CDS2: variants seen among roughly 807,000 people sequenced by gnomAD.
CDS2 encodes the protein phosphatidate cytidylyltransferase 2.
In CDS2, 47 loss-of-function variants were observed where a neutral mutation model predicts 59.0. The ratio of observed to expected loss-of-function variants is 0.80; its 90% confidence interval spans 0.63 to 1.02. The LOEUF is 1.02. Among genes scored for constraint, CDS2 ranks in the 50% least tolerant of loss-of-function variants. The pLI is 0.00. For missense variants in CDS2, 356 were observed against 558.9 expected (o/e 0.64, Z 3.66); for synonymous variants, 207 against 206.4 (o/e 1.00, Z -0.02).
At chr20:5,128,819 G>A (rs973824900) in intron 1 of CDS2, 2 of 152,224 alleles carry the variant, frequency 1.3e-5, no homozygotes, top group African/African-American at 2.4e-5. Flanking sequence ...ATGTTAGTGG[G>A]ACTTTGTGGA....
chr20:5,132,641 T>TA lies in CDS2; in HGVS notation c.57+5499dup, dbSNP rs943643820. Among the ~76,000 whole-genome samples the TA allele has an allele frequency of 3.3e-5, 5 of 152,270 alleles. No individual in the cohort carries two copies. In the East Asian group the frequency reaches 7.7e-4, roughly 24 times the overall value. ...TTATGTTGAGAAATAATTTAGGAAT[T>TA]AAAAAAATCAGTAAACCTTAACTAT... On this transcript the variant is annotated intron_variant, in intron 1 of 12. Coordinates refer to ENST00000460006, the MANE Select transcript of CDS2 (RefSeq NM_003818.4).
intron 1 of CDS2, among the ~76,000 whole-genome samples, chr20:5,164,307 C>G (rs1315531007): frequency 6.6e-6 from 1 of 152,042 alleles, no homozygotes; most frequent in Non-Finnish European, 1.5e-5. Context: ...CTTGTCTGCC[C>G]ACAGGAGTAG....
chr20:5,145,846 C>CAA, intron 1 of CDS2, among the ~76,000 whole-genome samples: 1 of 115,734 alleles, frequency 8.6e-6, no homozygotes, highest in African/African-American at 3.4e-5. Context: ...TTTTTTGAGA[C>CAA]AAAGTCTCGC....
intron 5 of CDS2, 104 bp from the exon 6 acceptor site, chr20:5,182,283 G>T (rs1191501388): frequency 8.6e-6 from 8 of 930,324 alleles, no homozygotes; most frequent in Non-Finnish European, 9.7e-6. Flanking sequence ...CTGGTTAGCT[G>T]CTGGGAATAA....
In CDS2 at chr20:5,194,762, C is replaced by T. The variant is rs1472384133; in HGVS notation, c.*4528C>T. 1 of 152,058 alleles carries T rather than the reference C, an allele frequency of 6.6e-6. No homozygotes were observed. Among genetic ancestry groups the T allele is most frequent in the Non-Finnish European group, 1.5e-5 (1 of 68,008 alleles). The allele number at this position is 152,058 out of a possible 1,614,324, so 9.4% of individuals were successfully genotyped here. Reference sequence around the variant, plus strand: ...TTAAAGACCCTGTCTCCTCCCCCACCCTCCCCTTCCTTTTCCCATCAAATG... The same window carrying T: ...TTAAAGACCCTGTCTCCTCCCCCACTCTCCCCTTCCTTTTCCCATCAAATG... On this transcript the variant is annotated 3_prime_UTR_variant, in exon 13 of 13. Transcript: ENST00000460006.
chr20:5,146,522 A>G (rs746890919), intron 1 of CDS2, among the ~76,000 whole-genome samples: 10 of 152,358 alleles, frequency 6.6e-5, no homozygotes, highest in Middle Eastern at 3.4e-3. Flanking sequence ...GGTGGCCCAG[A>G]TGACAGATGA....
chr20:5,183,213 A>T, intron 7 of CDS2, 70 bp downstream of exon 7: 4 of 1,300,106 alleles, frequency 3.1e-6, no homozygotes, highest in Non-Finnish European at 3.3e-6. Flanking sequence ...CCCCCCTCTA[A>T]GCCAGTGGCC....
At chr20:5,156,543 G>T (rs1393915152) in intron 1 of CDS2, among the ~76,000 whole-genome samples, 1 of 152,108 alleles carries the variant, frequency 6.6e-6, no homozygotes, top group African/African-American at 2.4e-5. Context: ...GGGAGTTACT[G>T]GCATTTAGGA....
intron 1 of CDS2, among the ~76,000 whole-genome samples, chr20:5,145,509 T>C (rs956002106): frequency 6.6e-6 from 1 of 152,060 alleles, no homozygotes; most frequent in African/African-American, 2.4e-5. Flanking sequence ...TTGCCAGATA[T>C]TGGTCTGGAG....
chr20:5,134,618 T>A (rs924012537), intron 1 of CDS2, among the ~76,000 whole-genome samples: 1 of 152,154 alleles, frequency 6.6e-6, no homozygotes, highest in Non-Finnish European at 1.5e-5. Context: ...CCTCCCGAGT[T>A]CAAGTGATTC....
chr20:5,156,251 G>A (rs2090832911), intron 1 of CDS2, among the ~76,000 whole-genome samples: 1 of 152,158 alleles, frequency 6.6e-6, no homozygotes, highest in African/African-American at 2.4e-5. Context: ...GAGGTGTGTA[G>A]GGTAGGGGAT....
chr20:5,168,719 A>G, intron 1 of CDS2: 1 of 497,418 alleles, frequency 2.0e-6, no homozygotes, highest in Non-Finnish European at 4.0e-6. Context: ...TTTTCTTCCC[A>G]GAGAGTTGAT....
chr20:5,157,094 A>G (rs985832753), intron 1 of CDS2, among the ~76,000 whole-genome samples: 2 of 152,180 alleles, frequency 1.3e-5, no homozygotes, highest in Non-Finnish European at 2.9e-5. Flanking sequence ...TCAGGGCACC[A>G]GGGATCTGGG....
At chr20:5,167,714 C>G (rs1050842557) in intron 1 of CDS2, among the ~76,000 whole-genome samples, 3 of 152,124 alleles carry the variant, frequency 2.0e-5, no homozygotes, top group Non-Finnish European at 4.4e-5. Flanking sequence ...GGGGAGTTGC[C>G]CTCCCTGGCA....
intron 1 of CDS2, among the ~76,000 whole-genome samples, chr20:5,133,145 A>G (rs1425441905): frequency 2.0e-5 from 3 of 152,230 alleles, no homozygotes; most frequent in Non-Finnish European, 4.4e-5. Flanking sequence ...ACTGCACTCC[A>G]GCCAGGAGGA....
chr20:5,152,094 AC>A (rs1039391590), intron 1 of CDS2, among the ~76,000 whole-genome samples: 2 of 145,474 alleles, frequency 1.4e-5, no homozygotes, highest in African/African-American at 5.1e-5. Flanking sequence ...AAAAAAAAAA[AC>A]AAAAAAACAA....
At chr20:5,157,886 TG>T (rs1279584375) in intron 1 of CDS2, among the ~76,000 whole-genome samples, 3 of 152,288 alleles carry the variant, frequency 2.0e-5, no homozygotes, top group Admixed American at 1.3e-4. Context: ...GACTTCAGAT[TG>T]GGGTAGGTGG....
Position 5,175,417 on chromosome 20 carries a change from T to C in CDS2, c.291+138T>C, listed in dbSNP as rs570858538. On this transcript the variant is annotated intron_variant, in intron 3 of 12. Transcript: ENST00000460006. ...CTCAGAAAACCTCTGCCATAGAACATCTGTGACTTCCCACTTCTCAGTAGC... is the reference window on the plus strand; with the variant it reads ...CTCAGAAAACCTCTGCCATAGAACACCTGTGACTTCCCACTTCTCAGTAGC... The C allele has an allele frequency of 1.9e-3, 1,254 of 662,512 alleles. 27 individuals are homozygous for C. The highest frequency in any genetic ancestry group is 0.019 in the South Asian group (1,067 of 57,202). The allele number at this position is 662,512 out of a possible 1,614,324, so 41.0% of individuals were successfully genotyped here.
In CDS2 at chr20:5,184,436, A is replaced by T. The variant is rs374653641; in HGVS notation, c.672-422A>T. On this transcript the variant is annotated intron_variant, in intron 7 of 12. Transcript: ENST00000460006. This position sits in a 1 kb window ranked among gnomAD's most constrained non-coding sequence, Gnocchi z 4.3. ...TAAATAATGAAAGAGTCATTAAAGCATACTATTTAGAATTGGGGAGGTAAC... is the reference window on the plus strand; with the variant it reads ...TAAATAATGAAAGAGTCATTAAAGCTTACTATTTAGAATTGGGGAGGTAAC... 1.2e-4 allele frequency among the ~76,000 whole-genome samples: 18 copies of T among 152,356 alleles called. No individual in the cohort carries two copies. In the East Asian group the frequency reaches 3.1e-3, roughly 26 times the overall value.
Sources: allele counts gnomAD v4.1 joint callset (sites outside exome capture counted in the v4.1 genomes callset), GRCh38; gene constraint gnomAD v4.1.1; non-coding constraint Gnocchi (gnomAD v3.1); transcripts MANE v1.5; gene names NCBI Gene and HGNC (gene_info 2026-07-23, HGNC 2026-07-21).